EFCAB13: variants seen among roughly 807,000 people sequenced by gnomAD.
EFCAB13 encodes the protein EF-hand calcium-binding domain-containing protein 13.
EFCAB13 carries 91 observed loss-of-function variants against 110.2 expected under a neutral mutation model. The ratio of observed to expected loss-of-function variants is 0.83; its 90% CI spans 0.70 to 0.98. The LOEUF (loss-of-function observed/expected upper bound fraction) is 0.98, where lower values mean the gene tolerates loss of function less well. Among genes scored for constraint, EFCAB13 ranks in the 50% least tolerant of loss-of-function variants. The pLI, the probability that EFCAB13 is intolerant of heterozygous loss-of-function variation, is 0.00. For synonymous variants in EFCAB13, 323 were observed against 369.9 expected (o/e 0.87, Z 1.45); for missense variants, 968 against 1,119.4 (o/e 0.86, Z 1.93).
At chr17:47,370,643 G>T (rs951510622) in intron 11 of EFCAB13, 135 bp downstream of exon 11, 8 of 528,010 alleles carry the variant, frequency 1.5e-5, no homozygotes, top group Admixed American at 3.8e-5. Flanking sequence ...AAATCAAGGA[G>T]ATAAAATATA....
At chr17:47,433,164 G>T (rs760195098) in intron 24 of EFCAB13, among the ~76,000 whole-genome samples, 2 of 152,116 alleles carry the variant, frequency 1.3e-5, no homozygotes, top group Non-Finnish European at 2.9e-5. Flanking sequence ...AAGAGTATTG[G>T]TCAGGTATTT....
intron 23 of EFCAB13, chr17:47,423,626 G>GT (rs1363234146): frequency 2.7e-6 from 1 of 366,726 alleles, no homozygotes; most frequent in Non-Finnish European, 4.8e-6. Context: ...CCGGTCCATT[G>GT]TTTCGCTTCT....
At chr17:47,387,160 C>T (rs141179847) in intron 14 of EFCAB13, among the ~76,000 whole-genome samples, 26 of 152,218 alleles carry the variant, frequency 1.7e-4, no homozygotes, top group African/African-American at 5.3e-4. Context: ...TTTATTATAT[C>T]GGGATCAGAA....
rs898935249 is a variant in EFCAB13 at position 47,346,087 on chromosome 17, C to T, written c.517+989C>T. On this transcript the variant is annotated intron_variant, in intron 8 of 24. Transcript: ENST00000331493. ...TTTAACATGAGATCTACCCTCTTAACAGATTTTAAAAATGTAAGTTATTCT... is the reference window on the plus strand; with the variant it reads ...TTTAACATGAGATCTACCCTCTTAATAGATTTTAAAAATGTAAGTTATTCT... Among the ~76,000 whole-genome samples the T allele has an allele frequency of 2.6e-4, 39 of 152,200 alleles. 1 individual carries two copies. The South Asian group carries it at 2.7e-3, about 11-fold the overall frequency.
In EFCAB13 at chr17:47,394,103, C is replaced by A; in HGVS notation, c.1801+4C>A. 6.7e-7 allele frequency: 1 copy of A among 1,493,654 alleles called. No individual in the cohort carries two copies. Among genetic ancestry groups the A allele is most frequent in the South Asian group, 1.4e-5 (1 of 69,420 alleles). The allele number at this position is 1,493,654 out of a possible 1,614,324, so 92.5% of individuals were successfully genotyped here. A position where few individuals can be genotyped will look rare whatever the true frequency, so the allele number is the denominator to read the frequency against. On this transcript the variant is annotated splice_donor_region_variant and intron_variant, in intron 16 of 24. Transcript: ENST00000331493. ...GAATGCTTCTCTGAAAAATTAGGTACGTAAGAATATCATGTCTTCTGCTTT... is the reference window on the plus strand; with the variant it reads ...GAATGCTTCTCTGAAAAATTAGGTAAGTAAGAATATCATGTCTTCTGCTTT...
chr17:47,370,541 G>A, intron 11 of EFCAB13, 33 bp downstream of exon 11: 1 of 1,445,080 alleles, frequency 6.9e-7, no homozygotes, highest in Non-Finnish European at 9.6e-7. Flanking sequence ...GACAAGTTTT[G>A]TTTATAATTA....
At chr17:47,415,232 T>C (rs1904399232) in intron 23 of EFCAB13, among the ~76,000 whole-genome samples, 1 of 151,484 alleles carries the variant, frequency 6.6e-6, no homozygotes. Flanking sequence ...CTCTGGGGAC[T>C]GTTATGGGGT....
At chr17:47,349,473 C>T (rs1336191707) in intron 9 of EFCAB13, among the ~76,000 whole-genome samples, 2 of 152,108 alleles carry the variant, frequency 1.3e-5, no homozygotes, top group Admixed American at 6.5e-5. Flanking sequence ...CTTATTACTG[C>T]TGGAACACTA....
intron 10 of EFCAB13, among the ~76,000 whole-genome samples, chr17:47,364,838 G>C (rs1341573897): frequency 1.3e-5 from 2 of 152,134 alleles, no homozygotes; most frequent in Non-Finnish European, 2.9e-5. Flanking sequence ...TCTGGCTTTT[G>C]CCCAGATCTT....
intron 17 of EFCAB13, among the ~76,000 whole-genome samples, chr17:47,397,553 A>G (rs1159546246): frequency 7.0e-6 from 1 of 142,980 alleles, no homozygotes; most frequent in Non-Finnish European, 1.5e-5. Context: ...CCGCCATCCC[A>G]TCTAGGAAGT....
intron 8 of EFCAB13, among the ~76,000 whole-genome samples, chr17:47,346,634 G>C (rs1358233933): frequency 1.3e-5 from 2 of 152,042 alleles, no homozygotes; most frequent in Admixed American, 1.3e-4. Flanking sequence ...TAGAGAGTTA[G>C]TAAGGGCTGT....
In EFCAB13 at chr17:47,343,643, A is replaced by G. The variant is rs145659433; in HGVS notation, c.304-519A>G. 2.0e-5 allele frequency among the ~76,000 whole-genome samples: 3 copies of G among 151,966 alleles called. 1 individual carries two copies. The highest frequency in any genetic ancestry group is 7.2e-5 in the African/African-American group (3 of 41,452). ...GAAGACACCTGTAATTAGAATTCTT[A>G]TTTTTCTAAAGTGCTACTTTCCTAT... is the stretch of plus-strand genomic sequence containing the variant. On this transcript the variant is annotated intron_variant, in intron 6 of 24. Transcript: ENST00000331493.
chr17:47,427,201 A>G (rs75362796), intron 23 of EFCAB13, among the ~76,000 whole-genome samples: 3,433 of 152,184 alleles, frequency 0.023, 106 homozygotes, highest in East Asian at 0.18. Flanking sequence ...TTTCCAAAAT[A>G]CAGTGCTGTA....
chr17:47,382,932 A>G (rs576820245), intron 14 of EFCAB13, among the ~76,000 whole-genome samples: 34 of 152,226 alleles, frequency 2.2e-4, no homozygotes, highest in African/African-American at 7.5e-4. Context: ...TTTGGTTGGT[A>G]GGTTATTAAT....
chr17:47,365,098 G>A (rs544862955), intron 10 of EFCAB13, among the ~76,000 whole-genome samples: 3 of 152,112 alleles, frequency 2.0e-5, no homozygotes, highest in African/African-American at 4.8e-5. Flanking sequence ...AGCACTATTC[G>A]CAATTGAAAT....
intron 23 of EFCAB13, among the ~76,000 whole-genome samples, chr17:47,418,919 A>G (rs745733983): frequency 3.8e-4 from 58 of 152,302 alleles, no homozygotes; most frequent in Non-Finnish European, 7.4e-4. Context: ...TTCTATCCTT[A>G]TATCAATATC....
chr17:47,401,741 T>A lies in EFCAB13; in HGVS notation c.1946-391T>A, dbSNP rs184108295. On this transcript the variant is annotated intron_variant, in intron 17 of 24. Coordinates refer to ENST00000331493, the MANE Select transcript of EFCAB13 (RefSeq NM_152347.5). Reference sequence around the variant, plus strand: ...CTCACAGCAACCTCCACCTCCCCAGTTCAAACAATTCTGCTGCCTCAGCCT... The same window carrying A: ...CTCACAGCAACCTCCACCTCCCCAGATCAAACAATTCTGCTGCCTCAGCCT... Among the ~76,000 whole-genome samples, 40 of 150,250 alleles carry A rather than the reference T, an allele frequency of 2.7e-4. No individual in the cohort carries two copies. The East Asian group carries it at 7.4e-3, about 28-fold the overall frequency.
chr17:47,421,635 AAGAAAG>A (rs1406247920), intron 23 of EFCAB13, among the ~76,000 whole-genome samples: 1 of 80,258 alleles, frequency 1.2e-5, no homozygotes, highest in African/African-American at 9.2e-5. Flanking sequence ...AAAAAAAAGA[AAGAAAG>A]AAAAAAAAAA....
At position 47,403,875 on chromosome 17, in the gene EFCAB13, T is replaced by C; in HGVS notation, c.2018-3T>C. 5 of 1,587,648 alleles carry C rather than the reference T, an allele frequency of 3.1e-6. No homozygotes were observed. The highest frequency in any genetic ancestry group is 4.3e-6 in the Non-Finnish European group (5 of 1,171,494). ...TATTAATTAACTTTTTTTCTATTTA[T>C]AGAGTTACAGGAAGTTGTCTTAGCT... On this transcript the variant is annotated splice_region_variant and splice_polypyrimidine_tract_variant and intron_variant, in intron 18 of 24. Coordinates refer to ENST00000331493, the MANE Select transcript of EFCAB13 (RefSeq NM_152347.5).
Sources: allele counts gnomAD v4.1 joint callset (sites outside exome capture counted in the v4.1 genomes callset), GRCh38; gene constraint gnomAD v4.1.1; transcripts MANE v1.5; gene names NCBI Gene and HGNC (gene_info 2026-07-23, HGNC 2026-07-21).